The following MGMT variants were observed in gnomAD, a reference collection of about 807,000 sequenced individuals.
MGMT encodes methylated-DNA--protein-cysteine methyltransferase.
MGMT carries 14 observed loss-of-function variants against 15.9 expected under a neutral mutation model. That is an observed-to-expected ratio of 0.88 (90% CI 0.58 to 1.37). The LOEUF is 1.37. Among genes scored for constraint, MGMT ranks in the 40% most tolerant of loss-of-function variants. The pLI, the probability that MGMT is intolerant of heterozygous loss-of-function variation, is 0.00. For missense variants in MGMT, 282 were observed against 268.1 expected (o/e 1.05, Z -0.36); for synonymous variants, 130 against 118.2 (o/e 1.10, Z -0.65).
chr10:129,574,275 T>G (rs1846453940), intron 2 of MGMT, among the ~76,000 whole-genome samples: 1 of 152,184 alleles, frequency 6.6e-6, no homozygotes, highest in African/African-American at 2.4e-5. Flanking sequence ...GTTTTCACAG[T>G]AACTTTCAGA....
Position 129,575,402 on chromosome 10 carries a change from A to G in MGMT, c.125+39025A>G, listed in dbSNP as rs570101559. Reference sequence around the variant, plus strand: ...ATCTCACTCAAAACCGCTCAACTACATGGAAACTGAACAACCTGCTCCTGA... The same window carrying G: ...ATCTCACTCAAAACCGCTCAACTACGTGGAAACTGAACAACCTGCTCCTGA... On this transcript the variant is annotated intron_variant, in intron 2 of 4. Transcript: ENST00000651593. Among the ~76,000 whole-genome samples, 475 of 151,818 alleles carry G rather than the reference A, an allele frequency of 3.1e-3. 5 individuals carry two copies. The highest frequency in any genetic ancestry group is 0.011 in the African/African-American group (443 of 41,372).
At chr10:129,718,459 T>A (rs1008760497) in intron 3 of MGMT, among the ~76,000 whole-genome samples, 6 of 151,940 alleles carry the variant, frequency 3.9e-5, no homozygotes, top group Non-Finnish European at 1.5e-5. Context: ...TGGCCCTGCT[T>A]GCCCTCCATT....
chr10:129,576,186 G>C (rs1356497832), intron 2 of MGMT, among the ~76,000 whole-genome samples: 1 of 152,196 alleles, frequency 6.6e-6, no homozygotes, highest in Non-Finnish European at 1.5e-5. Context: ...CTCATTTTAT[G>C]AGGCCAGCAT....
intron 2 of MGMT, among the ~76,000 whole-genome samples, chr10:129,541,375 C>G (rs548200702): frequency 6.6e-6 from 1 of 152,378 alleles, no homozygotes; most frequent in African/African-American, 2.4e-5. Flanking sequence ...AAGAGCGGAG[C>G]AGCTCCCCCG....
At chr10:129,520,180 C>T (rs1411539639) in intron 1 of MGMT, among the ~76,000 whole-genome samples, 3 of 152,120 alleles carry the variant, frequency 2.0e-5, no homozygotes, top group Non-Finnish European at 2.9e-5. Context: ...TTTCAGGATC[C>T]TTCAGATCAG....
Position 129,759,183 on chromosome 10 carries a change from C to G in MGMT, c.275-19C>G. ...AAGCCGTTTGTCCAAATAACATTAT[C>G]CTGCATTCTTCCTTTCAGAGTCGTT... On this transcript the variant is annotated intron_variant, in intron 3 of 4. Transcript: ENST00000651593. The G allele has an allele frequency of 6.2e-7, 1 of 1,614,040 alleles. No homozygotes were observed. The highest frequency in any genetic ancestry group is 8.5e-7 in the Non-Finnish European group (1 of 1,179,956).
At chr10:129,677,474 C>G (rs1847798642) in intron 2 of MGMT, among the ~76,000 whole-genome samples, 2 of 152,168 alleles carry the variant, frequency 1.3e-5, no homozygotes. Flanking sequence ...AGCCATGCCT[C>G]ATCTCTCTGT....
intron 3 of MGMT, among the ~76,000 whole-genome samples, chr10:129,718,896 C>T (rs1033253319): frequency 7.9e-5 from 12 of 151,642 alleles, no homozygotes; most frequent in African/African-American, 2.2e-4. Context: ...GTCACCTTCC[C>T]GGGATGTCTA....
intron 1 of MGMT, among the ~76,000 whole-genome samples, chr10:129,477,121 A>G (rs1453400860): frequency 2.0e-5 from 3 of 152,088 alleles, no homozygotes; most frequent in Non-Finnish European, 4.4e-5. Flanking sequence ...TTCCCAGAGC[A>G]GCCTCTGCTC....
At chr10:129,646,428 A>G (rs74160253) in intron 2 of MGMT, among the ~76,000 whole-genome samples, 7,714 of 152,080 alleles carry the variant, frequency 0.051, 223 homozygotes, top group Middle Eastern at 0.088. Flanking sequence ...TTACATTTTT[A>G]ACTAACTGAA....
chr10:129,598,167 G>A (rs1307085810), intron 2 of MGMT, among the ~76,000 whole-genome samples: 1 of 152,192 alleles, frequency 6.6e-6, no homozygotes, highest in South Asian at 2.1e-4. Flanking sequence ...CCCAGCCTCA[G>A]GGTGGGTGCA....
chr10:129,585,561 C>G (rs1206007169), intron 2 of MGMT, among the ~76,000 whole-genome samples: 1 of 152,158 alleles, frequency 6.6e-6, no homozygotes, highest in African/African-American at 2.4e-5. Flanking sequence ...CAGAGACACC[C>G]TCCCATATTT....
At chr10:129,756,992 G>A (rs1284195529) in intron 3 of MGMT, among the ~76,000 whole-genome samples, 1 of 152,214 alleles carries the variant, frequency 6.6e-6, no homozygotes, top group Non-Finnish European at 1.5e-5. Context: ...CACAGGCTAG[G>A]GTTCGAAGCA....
intron 2 of MGMT, among the ~76,000 whole-genome samples, chr10:129,686,998 G>C (rs1564761189): frequency 6.6e-6 from 1 of 152,136 alleles, no homozygotes; most frequent in Non-Finnish European, 1.5e-5. Flanking sequence ...GGGCACAGCT[G>C]AGAGAGGAAG....
At chr10:129,468,246 TAA>T (rs1244416514) in intron 1 of MGMT, among the ~76,000 whole-genome samples, 3 of 152,186 alleles carry the variant, frequency 2.0e-5, no homozygotes, top group Non-Finnish European at 2.9e-5. Flanking sequence ...TCTCAATGGC[TAA>T]AACACTCTGG....
At chr10:129,575,314 C>T (rs1312323557) in intron 2 of MGMT, among the ~76,000 whole-genome samples, 1 of 152,094 alleles carries the variant, frequency 6.6e-6, no homozygotes, top group Non-Finnish European at 1.5e-5. Flanking sequence ...TGTAAAAGAA[C>T]AGAAATTGTA....
At chr10:129,571,146 G>GT (rs1846412772) in intron 2 of MGMT, among the ~76,000 whole-genome samples, 1 of 152,152 alleles carries the variant, frequency 6.6e-6, no homozygotes, top group Non-Finnish European at 1.5e-5. Flanking sequence ...TTCAAAGGGG[G>GT]TTTTAAAGAA....
At chr10:129,620,136 GT>G (rs1304982250) in intron 2 of MGMT, among the ~76,000 whole-genome samples, 1 of 152,192 alleles carries the variant, frequency 6.6e-6, no homozygotes. Context: ...AACTTTGTTT[GT>G]TAAGTAATAT....
At chr10:129,557,039 G>A (rs186427455) in intron 2 of MGMT, among the ~76,000 whole-genome samples, 9 of 152,274 alleles carry the variant, frequency 5.9e-5, no homozygotes, top group Admixed American at 5.9e-4. Context: ...GACTCGCTTC[G>A]CCCTCTTACT....
Sources: gnomAD v4.1 joint callset for allele counts (sites outside exome capture counted in the v4.1 genomes callset) on GRCh38, gnomAD v4.1.1 for gene constraint, MANE v1.5 for transcripts, NCBI Gene and HGNC (gene_info 2026-07-23, HGNC 2026-07-21) for gene names.